Variants in SMARCA2 observed in about 807,000 individuals in gnomAD.
SMARCA2 encodes the protein SWI/SNF related BAF chromatin remodeling complex subunit ATPase 2.
SMARCA2 carries 61 observed loss-of-function variants against 199.8 expected under a neutral mutation model. That is an observed-to-expected ratio of 0.31 (90% CI 0.25 to 0.38). The LOEUF is 0.38. SMARCA2 is among the 10% of genes least tolerant of loss of function. SMARCA2 has a pLI of 1.00. For missense variants in SMARCA2, 1,344 were observed against 2,012.2 expected (o/e 0.67, Z 6.35); for synonymous variants, 935 against 732.0 (o/e 1.28, Z -4.48).
chr9:2,091,985 C>T (rs560867568), intron 19 of SMARCA2, among the ~76,000 whole-genome samples: 2 of 152,134 alleles, frequency 1.3e-5, no homozygotes, highest in Non-Finnish European at 2.9e-5. Flanking sequence ...ACTTAATGAG[C>T]AAGGGAATAT....
chr9:2,131,794 G>T (rs1217207619), intron 27 of SMARCA2, among the ~76,000 whole-genome samples: 1 of 152,160 alleles, frequency 6.6e-6, no homozygotes. Context: ...GCAAAAATTA[G>T]CTGGGCGTGG....
intron 9 of SMARCA2, among the ~76,000 whole-genome samples, chr9:2,069,442 C>A (rs554516545): frequency 3.7e-4 from 56 of 151,612 alleles, no homozygotes; most frequent in African/African-American, 1.3e-3. Context: ...GCCTGTAGTC[C>A]CAGCTACTTG....
intron 27 of SMARCA2, among the ~76,000 whole-genome samples, chr9:2,143,876 AG>A (rs1304884567): frequency 6.6e-6 from 1 of 152,212 alleles, no homozygotes; most frequent in Non-Finnish European, 1.5e-5. Context: ...TTGAGGTTGT[AG>A]GGGCCAAGGG....
At chr9:2,137,930 A>G (rs534960675) in intron 27 of SMARCA2, among the ~76,000 whole-genome samples, 1 of 152,320 alleles carries the variant, frequency 6.6e-6, no homozygotes, top group African/African-American at 2.4e-5. Flanking sequence ...GATTCCAGTG[A>G]TCTGTGACTT....
rs1823543520 is a variant in SMARCA2, at chr9:2,123,253, T to C, written c.3763-466T>C. ...ACCTTGGGTCCCCCTTTTTTTTTTA[T>C]TGCTGATTGTTTAGTTCAAAGCACA... On this transcript the variant is annotated intron_variant, in intron 26 of 33. Coordinates refer to ENST00000349721, the MANE Select transcript of SMARCA2 (RefSeq NM_003070.5). This position sits in a 1 kb window ranked among gnomAD's most constrained non-coding sequence, Gnocchi z 4.1. Among the ~76,000 whole-genome samples the C allele has an allele frequency of 6.6e-6, 1 of 151,964 alleles. No homozygotes were observed. The highest frequency in any genetic ancestry group is 2.1e-4 in the South Asian group (1 of 4,824).
Position 2,056,826 on chromosome 9 carries a change from A to G in SMARCA2, c.1328A>G (p.Lys443Arg), listed in dbSNP as rs1455167202. The change falls in exon 7 of 34, where the codon AAA becomes AGA. Residue 443 changes from lysine (K) to arginine (R), a missense_variant. By Grantham distance (26) the Lys-to-Arg change is conservative. This residue lies in a region of SMARCA2 where 155 missense variants were observed against 260.0 expected (regional missense o/e 0.60). Transcript: ENST00000349721. The surrounding 1 kb of genome is among the most constrained non-coding windows in gnomAD (Gnocchi z 4.0). ...CAGCAGAAGATTGAGCAGGAGAGGAAACGCCGTCAGAAACACCAGGTTCTT... is the reference window on the plus strand; with the variant it reads ...CAGCAGAAGATTGAGCAGGAGAGGAGACGCCGTCAGAAACACCAGGTTCTT... ...EKQQKIEQER[K>R]RRQKHQEYLN... The G allele has an allele frequency of 1.2e-6, 2 of 1,613,778 alleles. No individual in the cohort carries two copies.
chr9:2,119,340 TC>T lies in SMARCA2; in HGVS notation c.3685-115del, dbSNP rs1410854923. 1 of 672,578 alleles carries T rather than the reference TC, an allele frequency of 1.5e-6. No individual in the cohort carries two copies. Among genetic ancestry groups the T allele is most frequent in the African/African-American group, 1.8e-5 (1 of 54,952 alleles). The allele number at this position is 672,578 out of a possible 1,614,324, so 41.7% of individuals were successfully genotyped here. Reference sequence around the variant, plus strand: ...TCAAGGACTAAATCCAGCAACCCCTTCCCTTTTCTTTCTGCCTTGAGAAATG... The same window carrying T: ...TCAAGGACTAAATCCAGCAACCCCTTCCTTTTCTTTCTGCCTTGAGAAATG... On this transcript the variant is annotated intron_variant, in intron 25 of 33. Coordinates refer to ENST00000349721, the MANE Select transcript of SMARCA2 (RefSeq NM_003070.5). This position sits in a 1 kb window ranked among gnomAD's most constrained non-coding sequence, Gnocchi z 4.6.
At chr9:2,126,130 C>A (rs13289721) in intron 27 of SMARCA2, among the ~76,000 whole-genome samples, 1 of 152,084 alleles carries the variant, frequency 6.6e-6, no homozygotes, top group African/African-American at 2.4e-5. Flanking sequence ...CTCTTTTTAG[C>A]GCATCTAGTA....
chr9:2,136,424 G>A (rs1175220861), intron 27 of SMARCA2, among the ~76,000 whole-genome samples: 2 of 151,994 alleles, frequency 1.3e-5, no homozygotes, highest in African/African-American at 2.4e-5. Context: ...CTGACCTCAA[G>A]TGATCTGCCC....
chr9:2,029,366 T>C, intron 2 of SMARCA2, 119 bp downstream of exon 2: 1 of 1,366,258 alleles, frequency 7.3e-7, no homozygotes, highest in Non-Finnish European at 1.0e-6. Flanking sequence ...ATCTTTGTCT[T>C]GTATATCTCA....
chr9:2,168,855 G>C (rs941703344), intron 28 of SMARCA2, among the ~76,000 whole-genome samples: 4 of 152,120 alleles, frequency 2.6e-5, no homozygotes, highest in South Asian at 4.1e-4. Context: ...TGGTTGTTCA[G>C]AACCCACTGA....
At chr9:2,174,652 G>C (rs1312604482) in intron 29 of SMARCA2, among the ~76,000 whole-genome samples, 1 of 152,150 alleles carries the variant, frequency 6.6e-6, no homozygotes, top group Non-Finnish European at 1.5e-5. Flanking sequence ...AGGCACAGTG[G>C]CTCACACCTG....
chr9:2,116,243 T>C (rs919902876), intron 25 of SMARCA2, among the ~76,000 whole-genome samples, 194 bp downstream of exon 25: 1 of 152,244 alleles, frequency 6.6e-6, no homozygotes, highest in African/African-American at 2.4e-5. Flanking sequence ...GAGCTATGGC[T>C]GGAGGAACCT....
At chr9:2,045,558 A>G (rs923326474) in intron 4 of SMARCA2, 3 of 152,202 alleles carry the variant, frequency 2.0e-5, no homozygotes, top group Non-Finnish European at 2.9e-5. Context: ...CTCTAAATGT[A>G]TCGTATTATA....
rs1827437816 is a variant in SMARCA2 at position 2,186,174 on chromosome 9, GATGAAAGCA to G, written c.4546_4554del (p.Ser1516_Glu1518del). On this transcript the variant is annotated inframe_deletion, in exon 32 of 34. Transcript: ENST00000349721. Reference sequence around the variant, plus strand: ...AATTGCCAAAGAGGAAGAGAGTGAGGATGAAAGCAATGAAGAGGAGGAAGAGGAAGATGA... The same window carrying G: ...AATTGCCAAAGAGGAAGAGAGTGAGGATGAAGAGGAGGAAGAGGAAGATGA... 2.5e-6 allele frequency: 4 copies of G among 1,614,066 alleles called. No individual in the cohort carries two copies. Among genetic ancestry groups the G allele is most frequent in the Non-Finnish European group, 2.5e-6 (3 of 1,179,942 alleles).
At position 2,076,349 on chromosome 9, in the gene SMARCA2, C is replaced by G. The variant is rs777504837; in HGVS notation, c.2036+20C>G. 5 of 1,369,716 alleles carry G rather than the reference C, an allele frequency of 3.7e-6. No individual in the cohort carries two copies. The East Asian group carries it at 9.1e-5, about 25-fold the overall frequency. The allele number at this position is 1,369,716 out of a possible 1,614,324, so 84.8% of individuals were successfully genotyped here. A position where few individuals can be genotyped will look rare whatever the true frequency, so the allele number is the denominator to read the frequency against. On this transcript the variant is annotated intron_variant, in intron 13 of 33. Coordinates refer to ENST00000349721, the MANE Select transcript of SMARCA2 (RefSeq NM_003070.5). ...CATTGAGTATGTACTGCATTTTTCC[C>G]TTGGAAATGCATTGCATGAGGATGA... is the stretch of plus-strand genomic sequence containing the variant.
rs145712694 is a variant in SMARCA2 at position 2,156,656 on chromosome 9, C to T, written c.3982-5030C>T. 6.7e-3 allele frequency among the ~76,000 whole-genome samples: 1,019 copies of T among 152,168 alleles called. 7 individuals carry two copies. The highest frequency in any genetic ancestry group is 0.024 in the African/African-American group (978 of 41,500). Reference sequence around the variant, plus strand: ...ATGTTGGTTAGGCTGGTCTCAAACTCCCTACCTCAGGTGATTGACCTGCTT... The same window carrying T: ...ATGTTGGTTAGGCTGGTCTCAAACTTCCTACCTCAGGTGATTGACCTGCTT... On this transcript the variant is annotated intron_variant, in intron 27 of 33. Transcript: ENST00000349721.
rs372686049 is a variant in SMARCA2 at position 2,076,306 on chromosome 9, G to A, written c.2013G>A (p.Glu671=). 6.2e-7 allele frequency: 1 copy of A among 1,607,246 alleles called. No individual in the cohort carries two copies. The highest frequency in any genetic ancestry group is 8.5e-7 in the Non-Finnish European group (1 of 1,173,716). Residue 671 remains glutamate (E), a synonymous_variant, in exon 13 of 34, where the codon GAG becomes GAA. Coordinates refer to ENST00000349721, the MANE Select transcript of SMARCA2 (RefSeq NM_003070.5). The part of the protein sequence containing the change: ...LLDPNSEEVS[E]KDAKQIIETA... ...ATCCAAATAGCGAAGAAGTTTCTGA[G>A]AAGGATGCTAAGCAGATCATTGAGT... is the stretch of plus-strand genomic sequence containing the variant.
At chr9:2,049,160 T>C (rs1014576250) in intron 5 of SMARCA2, among the ~76,000 whole-genome samples, 1 of 152,206 alleles carries the variant, frequency 6.6e-6, no homozygotes, top group Non-Finnish European at 1.5e-5. Context: ...AGCTAGAAAT[T>C]TTTACATATG....
Sources: gnomAD v4.1 joint callset for allele counts (sites outside exome capture counted in the v4.1 genomes callset) on GRCh38, gnomAD v4.1.1 for gene constraint, gnomAD v4.1.1 regional missense constraint, Gnocchi (gnomAD v3.1) non-coding constraint, MANE v1.5 for transcripts, NCBI Gene and HGNC (gene_info 2026-07-23, HGNC 2026-07-21) for gene names.